Variants in PCDH7 observed in about 807,000 individuals in gnomAD.
The protein encoded by PCDH7 is protocadherin-7.
In PCDH7, 17 loss-of-function variants were observed where a neutral mutation model predicts 58.9. That is an observed-to-expected ratio of 0.29 (90% CI 0.20 to 0.43). The LOEUF is 0.43. Ranked by LOEUF, PCDH7 falls within the 20% of genes least tolerant of loss-of-function variation. The pLI, the probability that PCDH7 is intolerant of heterozygous loss-of-function variation, is 1.00. For missense variants in PCDH7, 1,274 were observed against 1,441.0 expected (o/e 0.88, Z 1.88); for synonymous variants, 664 against 616.4 (o/e 1.08, Z -1.14).
At chr4:30,933,267 T>G (rs1744908960) in intron 2 of PCDH7, among the ~76,000 whole-genome samples, 1 of 152,110 alleles carries the variant, frequency 6.6e-6, no homozygotes, top group Non-Finnish European at 1.5e-5. Context: ...CCTCGTGATC[T>G]GCCTGCCTTG....
chr4:30,795,716 T>TAGATTTCAC (rs1267453026), intron 1 of PCDH7, among the ~76,000 whole-genome samples: 2 of 152,234 alleles, frequency 1.3e-5, no homozygotes, highest in Admixed American at 6.5e-5. Flanking sequence ...TTTATTGGTA[T>TAGATTTCAC]AGATTTCACA....
intron 3 of PCDH7, among the ~76,000 whole-genome samples, chr4:31,086,168 T>C (rs773978310): frequency 6.6e-6 from 1 of 152,166 alleles, no homozygotes; most frequent in Non-Finnish European, 1.5e-5. Flanking sequence ...AAGATTTGAG[T>C]TCCTCCTTTA....
chr4:30,813,287 G>A (rs1174830436), intron 1 of PCDH7, among the ~76,000 whole-genome samples: 1 of 152,126 alleles, frequency 6.6e-6, no homozygotes, highest in Non-Finnish European at 1.5e-5. Context: ...ATTCATTCAG[G>A]GGAGGCAGAC....
rs373540862 is a variant in PCDH7, at chr4:30,961,171, A to G, written c.*7+10956A>G. 2.0e-5 allele frequency among the ~76,000 whole-genome samples: 3 copies of G among 152,204 alleles called. No individual in the cohort carries two copies. In the South Asian group the frequency reaches 6.2e-4, roughly 31 times the overall value. On this transcript the variant is annotated intron_variant, in intron 3 of 3. Transcript: ENST00000509759. The stretch of plus-strand genomic sequence containing the variant: ...TAAAGTGCTTATTATATTCTTAATA[A>G]TACTTTTTAAAATTAATGAGTTTCA...
At chr4:30,965,612 G>T (rs1486948136) in intron 3 of PCDH7, among the ~76,000 whole-genome samples, 1 of 152,032 alleles carries the variant, frequency 6.6e-6, no homozygotes, top group South Asian at 2.1e-4. Context: ...TTTCATGAGA[G>T]ATGTTATCTC....
At chr4:31,079,347 T>TAG (rs1560628144) in intron 3 of PCDH7, among the ~76,000 whole-genome samples, 1 of 89,250 alleles carries the variant, frequency 1.1e-5, no homozygotes, top group African/African-American at 4.7e-5. Context: ...TATATATATA[T>TAG]ATATATATAT....
chr4:31,011,492 C>T (rs2109152740), intron 3 of PCDH7, among the ~76,000 whole-genome samples: 1 of 152,086 alleles, frequency 6.6e-6, no homozygotes, highest in Middle Eastern at 3.4e-3. Flanking sequence ...AGAACCATTT[C>T]TTTCCGACCT....
intron 2 of PCDH7, among the ~76,000 whole-genome samples, chr4:30,922,220 A>C (rs1469016725): frequency 1.3e-5 from 2 of 151,820 alleles, no homozygotes; most frequent in Non-Finnish European, 2.9e-5. Context: ...ATATAGATAG[A>C]TGATAAATAG....
chr4:30,772,796 G>A (rs575945476), intron 1 of PCDH7, among the ~76,000 whole-genome samples: 38 of 152,302 alleles, frequency 2.5e-4, no homozygotes, highest in Non-Finnish European at 4.7e-4. Flanking sequence ...ACAGCTATTA[G>A]TAAAGTGCTG....
chr4:30,730,596 C>G (rs578089509), intron 1 of PCDH7, among the ~76,000 whole-genome samples: 4 of 152,246 alleles, frequency 2.6e-5, no homozygotes, highest in South Asian at 4.1e-4. Context: ...CCCCACCCCC[C>G]AAGTGTATTT....
At chr4:30,822,936 T>C (rs1262869199) in intron 1 of PCDH7, among the ~76,000 whole-genome samples, 1 of 152,162 alleles carries the variant, frequency 6.6e-6, no homozygotes, top group Non-Finnish European at 1.5e-5. Context: ...GTTTTGCGTT[T>C]TATATGTGAG....
At chr4:30,985,352 G>A (rs36002786) in intron 3 of PCDH7, among the ~76,000 whole-genome samples, 7,500 of 151,880 alleles carry the variant, frequency 0.049, 409 homozygotes, top group East Asian at 0.3. Context: ...GTTCCTTTTC[G>A]GGAAACATTA....
intron 3 of PCDH7, among the ~76,000 whole-genome samples, chr4:31,051,698 C>T (rs1756744147): frequency 6.6e-6 from 1 of 151,966 alleles, no homozygotes; most frequent in Non-Finnish European, 1.5e-5. Context: ...AGACCTTAAA[C>T]CTTTACAGCA....
chr4:30,838,876 T>G (rs987379872), intron 1 of PCDH7, among the ~76,000 whole-genome samples: 5 of 152,070 alleles, frequency 3.3e-5, no homozygotes, highest in Admixed American at 6.6e-5. Context: ...ATCCACATGT[T>G]GAAAAATCTA....
At chr4:30,920,458 A>C (rs900982308) in intron 2 of PCDH7, 89 bp downstream of exon 2, 152 of 730,148 alleles carry the variant, frequency 2.1e-4, no homozygotes, top group Non-Finnish European at 2.7e-4. Context: ...ACCAAAATAA[A>C]ATAGCTGACA....
intron 3 of PCDH7, among the ~76,000 whole-genome samples, chr4:31,090,835 T>C (rs1713150012): frequency 6.6e-6 from 1 of 152,078 alleles, no homozygotes; most frequent in Non-Finnish European, 1.5e-5. Context: ...GTCAATAGTT[T>C]AACTCCATGT....
intron 3 of PCDH7, among the ~76,000 whole-genome samples, chr4:31,002,693 T>C (rs1024709479): frequency 1.3e-5 from 2 of 152,236 alleles, no homozygotes; most frequent in African/African-American, 4.8e-5. Flanking sequence ...AATTTTGGCA[T>C]GAAATAATTA....
intron 3 of PCDH7, among the ~76,000 whole-genome samples, chr4:30,967,522 C>T (rs1417986314): frequency 6.6e-6 from 1 of 152,074 alleles, no homozygotes; most frequent in Non-Finnish European, 1.5e-5. Context: ...TGGTGGCAAA[C>T]ATAGACAATT....
intron 3 of PCDH7, among the ~76,000 whole-genome samples, chr4:31,128,973 T>C (rs1718645580): frequency 6.6e-6 from 1 of 152,134 alleles, no homozygotes; most frequent in Admixed American, 6.5e-5. Flanking sequence ...GCCAGTGACA[T>C]TGCATTTAGG....
Sources: allele counts gnomAD v4.1 joint callset (sites outside exome capture counted in the v4.1 genomes callset), GRCh38; gene constraint gnomAD v4.1.1; transcripts MANE v1.5; gene names NCBI Gene and HGNC (gene_info 2026-07-23, HGNC 2026-07-21).